DCX: variants seen among roughly 807,000 people sequenced by gnomAD.
DCX encodes doublecortin.
Under a neutral mutation model 20.9 loss-of-function variants are expected in DCX, and 4 were observed. The observed-to-expected ratio is 0.19, with a 90% CI of 0.09 to 0.44. The LOEUF is 0.44. DCX is among the 20% of genes least tolerant of loss of function. The pLI is 0.99. For synonymous variants in DCX, 103 were observed against 111.4 expected (o/e 0.92, Z 0.47); for missense variants, 133 against 296.9 (o/e 0.45, Z 4.06).
intron 3 of DCX, among the ~76,000 whole-genome samples, chrX:111,344,093 A>G (rs1187955819): frequency 8.9e-6 from 1 of 112,485 alleles, no homozygotes; most frequent in Non-Finnish European, 1.9e-5. Flanking sequence ...ACATATGCAA[A>G]TCAATAAACA....
In DCX at chrX:111,309,368, A is replaced by G. The variant is rs1229550015; in HGVS notation, c.1044+3271T>C. Among the ~76,000 whole-genome samples the G allele has an allele frequency of 1.8e-5, 2 of 112,267 alleles. 1 individual carries two copies. The highest frequency in any genetic ancestry group is 3.8e-5 in the Non-Finnish European group (2 of 53,237). On this transcript the variant is annotated intron_variant, in intron 6 of 6. Coordinates refer to ENST00000636035, the MANE Select transcript of DCX (RefSeq NM_001195553.2). ...ATCATGACTCACATCTTTCAGGTCC[A>G]CTTGGACAGAAGTTCAGATGAGATC...
At chrX:111,313,220 T>C (rs1276308795) in intron 5 of DCX, among the ~76,000 whole-genome samples, 3 of 110,852 alleles carry the variant, frequency 2.7e-5, no homozygotes, top group African/African-American at 6.6e-5. Context: ...GACAGCCCCA[T>C]TGTTAGTCTC....
At chrX:111,396,569 T>C (rs1401718246) in intron 3 of DCX, among the ~76,000 whole-genome samples, 2 of 112,398 alleles carry the variant, frequency 1.8e-5, no homozygotes, top group African/African-American at 6.5e-5. Flanking sequence ...GGCCAGAACA[T>C]GTATCTATTA....
intron 6 of DCX, among the ~76,000 whole-genome samples, chrX:111,308,805 C>CA (rs1192445583): frequency 9.0e-6 from 1 of 111,621 alleles, no homozygotes; most frequent in African/African-American, 3.3e-5. Flanking sequence ...GCCATTGGTG[C>CA]AATCACTGAT....
intron 5 of DCX, among the ~76,000 whole-genome samples, chrX:111,318,579 A>G (rs1243121707): frequency 9.0e-6 from 1 of 110,941 alleles, no homozygotes; most frequent in Non-Finnish European, 1.9e-5. Flanking sequence ...GATAATGAAA[A>G]TGTGGTGCAT....
chrX:111,360,298 G>A (rs1924102781), intron 3 of DCX, among the ~76,000 whole-genome samples: 1 of 111,857 alleles, frequency 8.9e-6, no homozygotes, highest in Non-Finnish European at 1.9e-5. Flanking sequence ...GCAACAGCAT[G>A]GATGGAATTG....
In DCX at chrX:111,360,177, A is replaced by G. The variant is rs145339154; in HGVS notation, c.706-27024T>C. On this transcript the variant is annotated intron_variant, in intron 3 of 6. Transcript: ENST00000636035. Reference sequence around the variant, plus strand: ...GGTTGCAGCACTGTTCACAATAGCAAAGACTTAGAAGCAACCTAACCATCC... The same window carrying G: ...GGTTGCAGCACTGTTCACAATAGCAGAGACTTAGAAGCAACCTAACCATCC... Among the ~76,000 whole-genome samples the G allele has an allele frequency of 5.1e-3, 573 of 112,093 alleles. 14 individuals are homozygous for G. The highest frequency in any genetic ancestry group is 0.05 in the Admixed American group (524 of 10,497).
chrX:111,372,242 T>C (rs986418223), intron 3 of DCX, among the ~76,000 whole-genome samples: 2 of 111,457 alleles, frequency 1.8e-5, no homozygotes, highest in African/African-American at 6.6e-5. Context: ...GGGAAGCGCT[T>C]TTTTTTCCCC....
intron 3 of DCX, among the ~76,000 whole-genome samples, chrX:111,336,414 T>A (rs181351898): frequency 7.8e-4 from 88 of 112,577 alleles, no homozygotes; most frequent in African/African-American, 2.7e-3. Flanking sequence ...CTGTTCAGCA[T>A]CAGATGTCTT....
At chrX:111,333,180 G>T (rs1319693337) in intron 3 of DCX, 27 bp from the exon 4 acceptor site, 1 of 1,058,280 alleles carries the variant, frequency 9.4e-7, no homozygotes, top group Admixed American at 2.2e-5. Flanking sequence ...AACACTGATT[G>T]TATATGATGG....
intron 3 of DCX, among the ~76,000 whole-genome samples, chrX:111,361,926 A>T (rs1343970121): frequency 8.9e-6 from 1 of 112,064 alleles, no homozygotes; most frequent in Admixed American, 9.5e-5. Flanking sequence ...GTTTTCATGA[A>T]TTAGGGCTAT....
At chrX:111,382,163 T>C (rs1030190074) in intron 3 of DCX, among the ~76,000 whole-genome samples, 6 of 111,779 alleles carry the variant, frequency 5.4e-5, no homozygotes, top group African/African-American at 1.6e-4. Context: ...GAACCACACA[T>C]TGAGGACCAC....
chrX:111,367,963 A>G (rs1292682186), intron 3 of DCX, among the ~76,000 whole-genome samples: 1 of 111,477 alleles, frequency 9.0e-6, no homozygotes, highest in Non-Finnish European at 1.9e-5. Context: ...ATAAACATTG[A>G]TAATAGCTAA....
chrX:111,294,339 T>G lies in DCX; in HGVS notation c.*7348A>C, dbSNP rs2095015361. On this transcript the variant is annotated 3_prime_UTR_variant, in exon 7 of 7. Transcript: ENST00000636035. ...TTTTCTTTTTTTTTCAAATAATTAT[T>G]GGTCATCGGTCAAGCAGAGTCTTCT... 9.0e-6 allele frequency: 1 copy of G among 110,527 alleles called. No homozygotes were observed. Among genetic ancestry groups the G allele is most frequent in the Admixed American group, 9.7e-5 (1 of 10,299 alleles). The allele number at this position is 110,527 out of a possible 1,213,427, so 9.1% of individuals were successfully genotyped here. A position where few individuals can be genotyped will look rare whatever the true frequency, so the allele number is the denominator to read the frequency against.
At chrX:111,382,800 CA>C (rs1304370204) in intron 3 of DCX, among the ~76,000 whole-genome samples, 1 of 111,237 alleles carries the variant, frequency 9.0e-6, no homozygotes, top group Non-Finnish European at 1.9e-5. Context: ...GAAAACTGCT[CA>C]AAAAGAGGTG....
chrX:111,330,327 T>C (rs1427151462), intron 5 of DCX, among the ~76,000 whole-genome samples: 1 of 112,495 alleles, frequency 8.9e-6, no homozygotes, highest in Non-Finnish European at 1.9e-5. Context: ...CTAAATAGAA[T>C]CTTCTATGGC....
chrX:111,406,097 C>T (rs752600686), intron 2 of DCX, among the ~76,000 whole-genome samples: 1 of 112,350 alleles, frequency 8.9e-6, no homozygotes, highest in African/African-American at 3.2e-5. Flanking sequence ...GATTTCTGCA[C>T]GTCTCAAAAC....
intron 1 of DCX, 51 bp from the exon 2 acceptor site, chrX:111,410,471 G>C: frequency 8.4e-7 from 1 of 1,189,158 alleles, no homozygotes; most frequent in South Asian, 1.8e-5. Flanking sequence ...AACAAAAAGG[G>C]ACAAGGAGAA....
intron 3 of DCX, among the ~76,000 whole-genome samples, chrX:111,363,957 T>C (rs1157903619): frequency 1.8e-5 from 2 of 112,129 alleles, no homozygotes. Context: ...TTACTACATA[T>C]CAGGTTTGTA....
Sources: allele counts gnomAD v4.1 joint callset (sites outside exome capture counted in the v4.1 genomes callset), GRCh38; gene constraint gnomAD v4.1.1; transcripts MANE v1.5; gene names NCBI Gene and HGNC (gene_info 2026-07-23, HGNC 2026-07-21).